Variants in SNAP91 observed in about 807,000 individuals in gnomAD.
SNAP91 encodes clathrin coat assembly protein AP180.
Under a neutral mutation model 100.3 loss-of-function variants are expected in SNAP91, and 27 were observed. The ratio of observed to expected loss-of-function variants is 0.27; its 90% CI spans 0.20 to 0.37. SNAP91 has a LOEUF of 0.37. SNAP91 is among the 10% of genes least tolerant of loss of function. The probability of loss-of-function intolerance (pLI) is 1.00; values close to 1 mark genes in which losing one functional copy is unlikely to be tolerated. For synonymous variants in SNAP91, 404 were observed against 398.6 expected, an observed-to-expected ratio of 1.01 and a Z score of -0.16; for missense variants, 986 against 1,123.7, an observed-to-expected ratio of 0.88 and a Z score of 1.75.
intron 26 of SNAP91, among the ~76,000 whole-genome samples, chr6:83,570,552 GTGGC>G (rs1805152124): frequency 4.4e-5 from 6 of 135,456 alleles, no homozygotes; most frequent in African/African-American, 1.8e-4. Flanking sequence ...GGTTTACGGG[GTGGC>G]GGGGGGGGAA....
chr6:83,605,899 G>C (rs752196927), intron 13 of SNAP91, 96 bp from the exon 14 acceptor site: 4 of 1,036,460 alleles, frequency 3.9e-6, no homozygotes, highest in Non-Finnish European at 5.5e-6. Context: ...AAAGATTTTA[G>C]GTATTTTAAA....
chr6:83,607,650 A>G (rs1319734700), intron 13 of SNAP91, 49 bp downstream of exon 13: 5 of 1,221,606 alleles, frequency 4.1e-6, no homozygotes, highest in Non-Finnish European at 5.8e-6. Context: ...ATAAAACCAA[A>G]CTCTAATAAA....
intron 6 of SNAP91, among the ~76,000 whole-genome samples, chr6:83,658,530 A>G (rs2098461302): frequency 6.6e-6 from 1 of 152,098 alleles, no homozygotes; most frequent in Admixed American, 6.6e-5. Flanking sequence ...AATGGCGTGA[A>G]CCCAGGAGGC....
At chr6:83,657,054 T>C (rs1376774972) in intron 6 of SNAP91, among the ~76,000 whole-genome samples, 189 bp from the exon 7 acceptor site, 2 of 152,168 alleles carry the variant, frequency 1.3e-5, no homozygotes, top group East Asian at 3.8e-4. Context: ...TTTAAGTCAA[T>C]GAGGTTAGTC....
intron 7 of SNAP91, among the ~76,000 whole-genome samples, chr6:83,656,391 C>A (rs1261067028): frequency 6.6e-6 from 1 of 152,146 alleles, no homozygotes; most frequent in Non-Finnish European, 1.5e-5. Context: ...GGCTTATATG[C>A]CTATCATCAC....
intron 2 of SNAP91, among the ~76,000 whole-genome samples, chr6:83,696,734 C>T (rs908528120): frequency 8.5e-5 from 13 of 152,100 alleles, no homozygotes; most frequent in Non-Finnish European, 1.5e-4. Flanking sequence ...TAGTCTTCAC[C>T]TTCCTTATTA....
intron 2 of SNAP91, among the ~76,000 whole-genome samples, chr6:83,705,317 AT>A (rs989806317): frequency 1.4e-4 from 21 of 152,266 alleles, no homozygotes; most frequent in African/African-American, 4.6e-4. Context: ...TAGAATTAAA[AT>A]TTTTTCATGC....
At chr6:83,606,132 A>G (rs955989232) in intron 13 of SNAP91, among the ~76,000 whole-genome samples, 1 of 152,214 alleles carries the variant, frequency 6.6e-6, no homozygotes, top group Non-Finnish European at 1.5e-5. Context: ...TTACAAAAAC[A>G]GAGAGTGGGC....
intron 2 of SNAP91, among the ~76,000 whole-genome samples, chr6:83,698,157 A>ATG (rs375963494): frequency 2.0e-5 from 3 of 151,544 alleles, no homozygotes; most frequent in Admixed American, 6.6e-5. Flanking sequence ...ACTGTGGGGT[A>ATG]TGTGTGTGTG....
At chr6:83,569,734 C>T (rs1803181061) in intron 26 of SNAP91, among the ~76,000 whole-genome samples, 2 of 152,116 alleles carry the variant, frequency 1.3e-5, no homozygotes, top group South Asian at 4.1e-4. Flanking sequence ...CTTTCCCATG[C>T]TGTTCCTGTG....
rs576255782 is a variant in SNAP91 at position 83,702,875 on chromosome 6, C to T, written c.130+4923G>A. Among the ~76,000 whole-genome samples the T allele has an allele frequency of 2.6e-5, 4 of 152,216 alleles. 1 individual carries two copies. In the South Asian group the frequency reaches 8.3e-4, roughly 32 times the overall value. On this transcript the variant is annotated intron_variant, in intron 2 of 29. Transcript: ENST00000369694. ...ATTTTTGTGTCATTTTTAAAGCATG[C>T]TCCCTCCTATTACCTAAGACTGTTT...
chr6:83,578,384 T>C (rs1323742538), intron 24 of SNAP91, among the ~76,000 whole-genome samples: 2 of 152,216 alleles, frequency 1.3e-5, no homozygotes. Flanking sequence ...ACTGGTTATA[T>C]GTCTTTTTAG....
intron 28 of SNAP91, among the ~76,000 whole-genome samples, chr6:83,559,505 T>C (rs1783838793): frequency 6.6e-6 from 1 of 152,192 alleles, no homozygotes; most frequent in Non-Finnish European, 1.5e-5. Context: ...ATAAAACTCT[T>C]ATAAGTTTAG....
intron 26 of SNAP91, among the ~76,000 whole-genome samples, chr6:83,569,987 G>C (rs561352054): frequency 6.6e-6 from 1 of 152,152 alleles, no homozygotes; most frequent in African/African-American, 2.4e-5. Flanking sequence ...TGGTAAAAAT[G>C]GTATCAGTAG....
intron 2 of SNAP91, among the ~76,000 whole-genome samples, chr6:83,700,916 T>G (rs1021975830): frequency 6.6e-6 from 1 of 152,146 alleles, no homozygotes; most frequent in African/African-American, 2.4e-5. Context: ...GTTTAAATAA[T>G]TATCACTCAC....
intron 16 of SNAP91, among the ~76,000 whole-genome samples, chr6:83,597,209 C>G (rs964509962): frequency 6.6e-6 from 1 of 152,096 alleles, no homozygotes; most frequent in South Asian, 2.1e-4. Flanking sequence ...TTCCTAGCCC[C>G]GAAGGAGACA....
At chr6:83,564,609 T>C (rs2127937867) in intron 26 of SNAP91, among the ~76,000 whole-genome samples, 1 of 152,206 alleles carries the variant, frequency 6.6e-6, no homozygotes, top group South Asian at 2.1e-4. Flanking sequence ...AAGTAATCCA[T>C]ACATCTTAGC....
At chr6:83,695,674 G>A (rs1323296104) in intron 2 of SNAP91, among the ~76,000 whole-genome samples, 1 of 151,974 alleles carries the variant, frequency 6.6e-6, no homozygotes, top group African/African-American at 2.4e-5. Flanking sequence ...TTGAGTGCTC[G>A]CTTCATACTA....
intron 2 of SNAP91, among the ~76,000 whole-genome samples, chr6:83,671,557 C>T (rs1379266716): frequency 6.6e-6 from 1 of 152,030 alleles, no homozygotes; most frequent in East Asian, 1.9e-4. Context: ...CACTCTGTTA[C>T]TTGTTACCCC....
Sources: allele counts gnomAD v4.1 joint callset (sites outside exome capture counted in the v4.1 genomes callset), GRCh38; gene constraint gnomAD v4.1.1; transcripts MANE v1.5; gene names NCBI Gene and HGNC (gene_info 2026-07-23, HGNC 2026-07-21).